Variants in ALG12 observed in about 807,000 individuals in gnomAD.
ALG12 encodes the protein ALG12 alpha-1,6-mannosyltransferase.
In ALG12, 36 loss-of-function variants were observed where a neutral mutation model predicts 46.0. The ratio of observed to expected loss-of-function variants is 0.78; its 90% CI spans 0.60 to 1.03. ALG12 has a LOEUF of 1.03. Among genes scored for constraint, ALG12 ranks in the 50% least tolerant of loss-of-function variants. The pLI, the probability that ALG12 is intolerant of heterozygous loss-of-function variation, is 0.00. For missense variants in ALG12, 599 were observed against 633.5 expected (o/e 0.95, Z 0.58); for synonymous variants, 326 against 291.6 (o/e 1.12, Z -1.20).
downstream of ALG12, among the ~76,000 whole-genome samples, chr22:49,897,214 A>C (rs1054992592): frequency 1.3e-5 from 2 of 149,034 alleles, no homozygotes; most frequent in Non-Finnish European, 3.0e-5. Context: ...GCCACAGTTT[A>C]TCCATTCACC....
At chr22:49,910,249 G>A (rs1332322818) in intron 4 of ALG12, among the ~76,000 whole-genome samples, 161 bp from the exon 5 acceptor site, 1 of 152,240 alleles carries the variant, frequency 6.6e-6, no homozygotes, top group Non-Finnish European at 1.5e-5. Context: ...TATGCTGTTG[G>A]CCAGGAAGTG....
the ALG12 span, among the ~76,000 whole-genome samples, chr22:49,873,573 C>T: frequency 9.2e-5 from 14 of 152,154 alleles, no homozygotes; most frequent in Admixed American, 2.6e-4. Context: ...AGGTGGAGAG[C>T]CCCTGCTGTT....
At chr22:49,890,483 AG>A in the ALG12 span, among the ~76,000 whole-genome samples, 55 of 152,360 alleles carry the variant, frequency 3.6e-4, no homozygotes, top group African/African-American at 1.1e-3. Flanking sequence ...TATTAACGGA[AG>A]AAAAAATGAG....
chr22:49,914,580 C>T (rs2060599459), intron 1 of ALG12, among the ~76,000 whole-genome samples: 1 of 152,204 alleles, frequency 6.6e-6, no homozygotes, highest in Non-Finnish European at 1.5e-5. Flanking sequence ...AGCAACATGT[C>T]CAGCTGCTAC....
chr22:49,876,085 T>G, the ALG12 span, among the ~76,000 whole-genome samples: 9 of 152,362 alleles, frequency 5.9e-5, no homozygotes, highest in East Asian at 1.7e-3. Context: ...GAAAATAGTT[T>G]GGATTTTTTC....
chr22:49,877,795 G>C, the ALG12 span, among the ~76,000 whole-genome samples: 1 of 152,060 alleles, frequency 6.6e-6, no homozygotes, highest in Non-Finnish European at 1.5e-5. Context: ...CCTCCTGACT[G>C]TGTCTTCTGC....
the ALG12 span, among the ~76,000 whole-genome samples, chr22:49,864,944 C>CG: frequency 9.3e-5 from 8 of 85,940 alleles, no homozygotes; most frequent in Admixed American, 1.9e-4. Context: ...CAAGCCCCCC[C>CG]CCCCCCCCGT....
chr22:49,913,767 C>G lies in ALG12; in HGVS notation c.-2G>C, dbSNP rs750391865. 1 of 1,613,314 alleles carries G rather than the reference C, an allele frequency of 6.2e-7. No individual in the cohort carries two copies. The highest frequency in any genetic ancestry group is 2.2e-5 in the East Asian group (1 of 44,890). On this transcript the variant is annotated 5_prime_UTR_variant, in exon 2 of 10. Coordinates refer to ENST00000330817, the MANE Select transcript of ALG12 (RefSeq NM_024105.4). ...GCCTGATGACCCCTTTCCAGCCATTCCAGGCTTTCAGCTTCACGTACCTTC... is the reference window on the plus strand; with the variant it reads ...GCCTGATGACCCCTTTCCAGCCATTGCAGGCTTTCAGCTTCACGTACCTTC...
At chr22:49,888,377 T>A in the ALG12 span, 1 of 167,368 alleles carries the variant, frequency 6.0e-6, no homozygotes, top group Non-Finnish European at 1.5e-5. Flanking sequence ...TTGCATTGAC[T>A]ATGTTTTAGT....
intron 5 of ALG12, 73 bp from the exon 6 acceptor site, chr22:49,909,420 C>T (rs1471120238): frequency 1.4e-6 from 2 of 1,431,710 alleles, no homozygotes; most frequent in Admixed American, 1.8e-5. Flanking sequence ...ATGCAGCCCC[C>T]ATCACTACAG....
At chr22:49,908,248 G>C (rs1235909696) in intron 6 of ALG12, among the ~76,000 whole-genome samples, 1 of 152,146 alleles carries the variant, frequency 6.6e-6, no homozygotes, top group Non-Finnish European at 1.5e-5. Context: ...ACAGATGGTC[G>C]GCCGGGCGCA....
the ALG12 span, among the ~76,000 whole-genome samples, chr22:49,880,588 C>T: frequency 4.6e-5 from 7 of 152,190 alleles, no homozygotes; most frequent in Non-Finnish European, 5.9e-5. Context: ...GTTTCGTGCA[C>T]GGCGTCTGGC....
At chr22:49,913,937 C>G in intron 1 of ALG12, 94 bp from the exon 2 acceptor site, 2 of 783,430 alleles carry the variant, frequency 2.6e-6, no homozygotes, top group South Asian at 1.6e-5. Flanking sequence ...ATTCTCTGAA[C>G]TACTGTCTTA....
At chr22:49,877,372 A>G in the ALG12 span, among the ~76,000 whole-genome samples, 1 of 151,942 alleles carries the variant, frequency 6.6e-6, no homozygotes, top group Non-Finnish European at 1.5e-5. Flanking sequence ...GCTCACTGCA[A>G]CCTCCGCCTC....
At chr22:49,883,578 G>C in the ALG12 span, 2 of 1,432,104 alleles carry the variant, frequency 1.4e-6, no homozygotes, top group African/African-American at 1.6e-5. Flanking sequence ...AAAAAGTGAA[G>C]ATAATCTACA....
At chr22:49,887,736 C>T in the ALG12 span, 680 of 167,370 alleles carry the variant, frequency 4.1e-3, 8 homozygotes, top group African/African-American at 0.016. Flanking sequence ...CTGTTTACTA[C>T]GACAGAGACG....
At chr22:49,887,245 A>G in the ALG12 span, 70 of 1,513,304 alleles carry the variant, frequency 4.6e-5, no homozygotes, top group South Asian at 3.0e-4. Context: ...TACCAGGTCT[A>G]TGACCCGCTC....
chr22:49,872,301 G>A, the ALG12 span, among the ~76,000 whole-genome samples: 2 of 152,140 alleles, frequency 1.3e-5, no homozygotes, highest in Non-Finnish European at 2.9e-5. Flanking sequence ...TCATCCCTAA[G>A]CAGCAGCTCC....
chr22:49,874,887 T>C, the ALG12 span, among the ~76,000 whole-genome samples: 2 of 151,958 alleles, frequency 1.3e-5, no homozygotes, highest in Non-Finnish European at 2.9e-5. Flanking sequence ...TTCACCATGT[T>C]GGCCAGGCTG....
Sources: gnomAD v4.1 joint callset for allele counts (sites outside exome capture counted in the v4.1 genomes callset) on GRCh38, gnomAD v4.1.1 for gene constraint, MANE v1.5 for transcripts, NCBI Gene and HGNC (gene_info 2026-07-23, HGNC 2026-07-21) for gene names.